DOT1L: variants seen among roughly 807,000 people sequenced by gnomAD.
The protein encoded by DOT1L is DOT1 like histone lysine methyltransferase, also known as histone-lysine N-methyltransferase, H3 lysine-79 specific.
DOT1L carries 33 observed loss-of-function variants against 153.3 expected under a neutral mutation model. The ratio of observed to expected loss-of-function variants is 0.22; its 90% CI spans 0.16 to 0.29. The LOEUF (loss-of-function observed/expected upper bound fraction) is 0.29, where lower values mean the gene tolerates loss of function less well. DOT1L is among the 10% of genes least tolerant of loss of function. DOT1L has a pLI of 1.00. For missense variants in DOT1L, 1,847 were observed against 2,119.9 expected (o/e 0.87, Z 2.53); for synonymous variants, 1,135 against 965.1 (o/e 1.18, Z -3.26).
chr19:2,205,106 G>T (rs1352492726), intron 9 of DOT1L, among the ~76,000 whole-genome samples: 1 of 152,050 alleles, frequency 6.6e-6, no homozygotes, highest in Non-Finnish European at 1.5e-5. Flanking sequence ...GAGTAGCTGG[G>T]ACTACAGGCG....
At position 2,230,297 on chromosome 19, in the gene DOT1L, C is replaced by T. The variant is rs1306505338; in HGVS notation, c.*505C>T. The T allele has an allele frequency of 2.2e-5, 9 of 415,938 alleles. No individual in the cohort carries two copies. The highest frequency in any genetic ancestry group is 3.5e-5 in the East Asian group (1 of 28,300). 25.8% of individuals were successfully genotyped at this position (415,938 alleles called of 1,614,324 possible). On this transcript the variant is annotated 3_prime_UTR_variant, in exon 28 of 28. Coordinates refer to ENST00000398665, the MANE Select transcript of DOT1L (RefSeq NM_032482.3). ...GCTGCTCCCGTACCAAAGGCAGGCC[C>T]GTCGCCACCACATTCCTCGGAGGCC... is the stretch of plus-strand genomic sequence containing the variant.
chr19:2,165,072 C>G (rs1179285142), intron 1 of DOT1L, among the ~76,000 whole-genome samples: 1 of 152,226 alleles, frequency 6.6e-6, no homozygotes, highest in Non-Finnish European at 1.5e-5. Context: ...AACCCGCGTG[C>G]GGCTCCCGGG....
intron 22 of DOT1L, among the ~76,000 whole-genome samples, chr19:2,219,463 T>C (rs2024031434): frequency 6.6e-6 from 1 of 152,196 alleles, no homozygotes; most frequent in African/African-American, 2.4e-5. Flanking sequence ...TCTTGGCACG[T>C]GAGGGCATTC....
At chr19:2,229,060 A>G in intron 27 of DOT1L, 1 of 985,368 alleles carries the variant, frequency 1.0e-6, no homozygotes, top group South Asian at 4.7e-5. Flanking sequence ...CCCACAGCCG[A>G]GGGGCTTTCA....
chr19:2,165,913 C>T (rs540459521), intron 1 of DOT1L, among the ~76,000 whole-genome samples: 53 of 151,766 alleles, frequency 3.5e-4, no homozygotes, highest in Middle Eastern at 3.4e-3. Flanking sequence ...GGACTATAGG[C>T]GCCCGCCACC....
chr19:2,210,877 G>C (rs762963320), intron 14 of DOT1L, 22 bp downstream of exon 14: 1 of 1,608,982 alleles, frequency 6.2e-7, no homozygotes, highest in East Asian at 2.2e-5. Context: ...CCACGCCACG[G>C]CCCCCGCTCT....
rs142447383 is a variant in DOT1L, at chr19:2,173,244, C to T, written c.82-7469C>T. ...CCACGAGTCCCGCGCTTTCCTCCTT[C>T]CCTGTCACGCTGTGGCTTTGGCCTC... On this transcript the variant is annotated intron_variant, in intron 1 of 27. Transcript: ENST00000398665. Among the ~76,000 whole-genome samples the T allele has an allele frequency of 5.1e-3, 781 of 152,310 alleles. 5 individuals carry two copies. Among genetic ancestry groups the T allele is most frequent in the Admixed American group, 8.9e-3 (136 of 15,296 alleles).
At position 2,204,007 on chromosome 19, in the gene DOT1L, C is replaced by G. The variant is rs1489597012; in HGVS notation, c.787+1228C>G. ...TAGGGGAGAACTGCGGTGGGCTCCT[C>G]AGGCCTCCCAAACAAAACCCAGAGG... On this transcript the variant is annotated intron_variant, in intron 9 of 27. Transcript: ENST00000398665. The surrounding 1 kb of genome is among the most constrained non-coding windows in gnomAD (Gnocchi z 5.7). Among the ~76,000 whole-genome samples the G allele has an allele frequency of 6.6e-6, 1 of 152,254 alleles. No homozygotes were observed. Among genetic ancestry groups the G allele is most frequent in the Non-Finnish European group, 1.5e-5 (1 of 68,038 alleles).
At position 2,180,693 on chromosome 19, in the gene DOT1L, A is replaced by G. The variant is rs755520081; in HGVS notation, c.82-20A>G. ...GGGTGGAGGATGGCTCTGCGTCTCA[A>G]ACTTCTCTCTCTGTTTCAGGATAAA... On this transcript the variant is annotated intron_variant, in intron 1 of 27. Transcript: ENST00000398665. The G allele has an allele frequency of 7.4e-6, 12 of 1,613,780 alleles. No homozygotes were observed. The highest frequency in any genetic ancestry group is 1.1e-5 in the South Asian group (1 of 91,022).
intron 2 of DOT1L, 105 bp downstream of exon 2, chr19:2,180,861 A>G: frequency 7.2e-7 from 1 of 1,379,480 alleles, no homozygotes; most frequent in Non-Finnish European, 1.0e-6. Context: ...GCAGGGGTGG[A>G]CTCCTGGAGG....
intron 3 of DOT1L, among the ~76,000 whole-genome samples, chr19:2,188,917 T>G (rs1398883296): frequency 6.6e-6 from 1 of 152,174 alleles, no homozygotes; most frequent in Non-Finnish European, 1.5e-5. Flanking sequence ...GTGGCTCACG[T>G]GCCCCACAGA....
intron 27 of DOT1L, 66 bp downstream of exon 27, chr19:2,227,193 G>T (rs1322455305): frequency 6.4e-6 from 10 of 1,567,398 alleles, no homozygotes; most frequent in Non-Finnish European, 7.8e-6. Flanking sequence ...TCCTTTGCAG[G>T]TTCCCTTCCG....
chr19:2,168,025 G>T (rs541207244), intron 1 of DOT1L, among the ~76,000 whole-genome samples: 1 of 152,252 alleles, frequency 6.6e-6, no homozygotes, highest in African/African-American at 2.4e-5. Context: ...GTGAACCACC[G>T]TGCCCAGACG....
In DOT1L at chr19:2,231,320, C is replaced by T. The variant is rs2024588377; in HGVS notation, c.*1528C>T. ...CACAGATCCACCCTCCAGGGAGCTG[C>T]CAGCCCTGTGTTCTGGTTCCCAAGG... On this transcript the variant is annotated 3_prime_UTR_variant, in exon 28 of 28. Coordinates refer to ENST00000398665, the MANE Select transcript of DOT1L (RefSeq NM_032482.3). 1 of 216,866 alleles carries T rather than the reference C, an allele frequency of 4.6e-6. No individual in the cohort carries two copies. The highest frequency in any genetic ancestry group is 6.7e-5 in the East Asian group (1 of 14,828). The allele number at this position is 216,866 out of a possible 1,614,324, so 13.4% of individuals were successfully genotyped here.
chr19:2,223,519 T>C lies in DOT1L; in HGVS notation c.3596+33T>C, dbSNP rs1599618487. ...CAGGGGCCCGGAGGGGGGCGGGGCCTGGCAGCAGGGGCAGGAGGTGCCTGC... is the reference window on the plus strand; with the variant it reads ...CAGGGGCCCGGAGGGGGGCGGGGCCCGGCAGCAGGGGCAGGAGGTGCCTGC... On this transcript the variant is annotated intron_variant, in intron 25 of 27. Transcript: ENST00000398665. 2.6e-6 allele frequency: 3 copies of C among 1,133,764 alleles called. No homozygotes were observed. The Admixed American group carries it at 9.4e-5, about 35-fold the overall frequency. 70.2% of individuals were successfully genotyped at this position (1,133,764 alleles called of 1,614,324 possible).
chr19:2,206,887 T>G, intron 10 of DOT1L, 90 bp downstream of exon 10: 1 of 1,335,712 alleles, frequency 7.5e-7, no homozygotes, highest in Non-Finnish European at 1.1e-6. Context: ...CTTGACCCTG[T>G]GGACACTGGG....
chr19:2,189,680 C>T, intron 3 of DOT1L, 52 bp from the exon 4 acceptor site: 3 of 1,595,614 alleles, frequency 1.9e-6, no homozygotes, highest in Non-Finnish European at 2.6e-6. Context: ...CCCTCCCATG[C>T]ATGCGGCTGG....
rs1323709971 is a variant in DOT1L at position 2,193,819 on chromosome 19, A to C, written c.588+36A>C. 1 of 1,602,640 alleles carries C rather than the reference A, an allele frequency of 6.2e-7. No individual in the cohort carries two copies. The highest frequency in any genetic ancestry group is 1.3e-5 in the African/African-American group (1 of 74,786). On this transcript the variant is annotated intron_variant, in intron 6 of 27. Transcript: ENST00000398665. This position sits in a 1 kb window ranked among gnomAD's most constrained non-coding sequence, Gnocchi z 5.9. ...CTGAGGGCCAGGGTGTGTTGGAGGCAGGGGACCATCAGAGAAAGTGACGCC... is the reference window on the plus strand; with the variant it reads ...CTGAGGGCCAGGGTGTGTTGGAGGCCGGGGACCATCAGAGAAAGTGACGCC...
intron 27 of DOT1L, 143 bp downstream of exon 27, chr19:2,227,270 C>T (rs760252595): frequency 2.7e-5 from 29 of 1,063,550 alleles, no homozygotes; most frequent in Non-Finnish European, 4.1e-5. Flanking sequence ...CATCCGTGCA[C>T]GGTGGCGAAC....
Sources: allele counts gnomAD v4.1 joint callset (sites outside exome capture counted in the v4.1 genomes callset), GRCh38; gene constraint gnomAD v4.1.1; non-coding constraint Gnocchi (gnomAD v3.1); transcripts MANE v1.5; gene names NCBI Gene and HGNC (gene_info 2026-07-23, HGNC 2026-07-21).